ZNF565: variants seen among roughly 807,000 people sequenced by gnomAD.
ZNF565 encodes the protein zinc finger protein 565.
Under a neutral mutation model 39.4 loss-of-function variants are expected in ZNF565, and 27 were observed. The ratio of observed to expected loss-of-function variants is 0.69; its 90% CI spans 0.51 to 0.95. ZNF565 has a LOEUF of 0.95. Among genes scored for constraint, ZNF565 ranks in the 40% least tolerant of loss-of-function variants. The pLI, the probability that ZNF565 is intolerant of heterozygous loss-of-function variation, is 0.00. For synonymous variants in ZNF565, 185 were observed against 216.6 expected (o/e 0.85, Z 1.28); for missense variants, 524 against 621.1 (o/e 0.84, Z 1.66).
intron 4 of ZNF565, among the ~76,000 whole-genome samples, chr19:36,187,144 C>T (rs539067481): frequency 1.3e-5 from 2 of 151,346 alleles, no homozygotes; most frequent in Non-Finnish European, 1.5e-5. Flanking sequence ...GAGCCAATAT[C>T]GTGCTATTAC....
intron 2 of ZNF565, among the ~76,000 whole-genome samples, chr19:36,197,560 A>T (rs1975810849): frequency 6.6e-6 from 1 of 152,106 alleles, no homozygotes; most frequent in South Asian, 2.1e-4. Context: ...AGAAAGACAG[A>T]GACTGTTATT....
downstream of ZNF565, chr19:36,182,163 T>C (rs1975110309): frequency 1.1e-5 from 3 of 266,586 alleles, no homozygotes; most frequent in African/African-American, 4.5e-5. Flanking sequence ...CAGAATCTTT[T>C]AATCGGGTCA....
chr19:36,226,487 G>T (rs1977072682), intron 1 of ZNF565, among the ~76,000 whole-genome samples: 1 of 152,148 alleles, frequency 6.6e-6, no homozygotes, highest in African/African-American at 2.4e-5. Flanking sequence ...GTACAGAGAA[G>T]TCCCATGTAT....
intron 1 of ZNF565, chr19:36,213,210 T>A (rs945581726): frequency 6.6e-6 from 1 of 152,266 alleles, no homozygotes; most frequent in African/African-American, 2.4e-5. Context: ...TAACCACACA[T>A]CCACTCTTTT....
intron 1 of ZNF565, among the ~76,000 whole-genome samples, chr19:36,204,262 C>T (rs1976071987): frequency 6.6e-6 from 1 of 151,940 alleles, no homozygotes; most frequent in Non-Finnish European, 1.5e-5. Context: ...GGAAGACTAA[C>T]TTAATGAATG....
intron 1 of ZNF565, among the ~76,000 whole-genome samples, chr19:36,224,826 C>G (rs554801759): frequency 2.0e-5 from 3 of 152,042 alleles, no homozygotes; most frequent in Non-Finnish European, 2.9e-5. Flanking sequence ...TTTGGGTCCT[C>G]TAGGGTGTTT....
At chr19:36,182,173 A>T (rs1227234906), downstream of ZNF565, 5 of 294,720 alleles carry the variant, frequency 1.7e-5, no homozygotes, top group East Asian at 3.0e-4. Context: ...TAATCGGGTC[A>T]TTTTTGTATT....
intron 1 of ZNF565, chr19:36,236,153 A>G: frequency 2.9e-6 from 1 of 339,590 alleles, no homozygotes; most frequent in Non-Finnish European, 5.3e-6. Flanking sequence ...TAGCTAGATG[A>G]CAATCTCATT....
intron 1 of ZNF565, among the ~76,000 whole-genome samples, chr19:36,222,173 C>G (rs1344088170): frequency 6.6e-6 from 1 of 152,182 alleles, no homozygotes. Context: ...GTCCTCCTCT[C>G]TTGGCTTCCC....
intron 4 of ZNF565, among the ~76,000 whole-genome samples, chr19:36,190,174 A>T (rs978611525): frequency 2.0e-5 from 3 of 152,152 alleles, no homozygotes; most frequent in Admixed American, 6.6e-5. Flanking sequence ...TTTGCTAAAA[A>T]AAATACATAC....
intron 1 of ZNF565, among the ~76,000 whole-genome samples, chr19:36,207,702 G>A (rs1276969976): frequency 6.6e-5 from 10 of 152,182 alleles, no homozygotes; most frequent in Admixed American, 6.5e-4. Flanking sequence ...CCAGCCCCTT[G>A]CACTTAGGTA....
intron 1 of ZNF565, among the ~76,000 whole-genome samples, chr19:36,223,145 G>A (rs968603680): frequency 4.0e-5 from 6 of 151,576 alleles, no homozygotes; most frequent in South Asian, 2.1e-4. Flanking sequence ...GGCTGGGCGC[G>A]ATGGCTCACG....
At chr19:36,234,158 G>T (rs8101489) in intron 1 of ZNF565, among the ~76,000 whole-genome samples, 1 of 151,884 alleles carries the variant, frequency 6.6e-6, no homozygotes. Flanking sequence ...TCCATTTAAC[G>T]CTGAGTTGAC....
chr19:36,215,401 A>G (rs996758740), upstream of ZNF565, among the ~76,000 whole-genome samples: 1 of 151,780 alleles, frequency 6.6e-6, no homozygotes, highest in Non-Finnish European at 1.5e-5. Flanking sequence ...GGGATTGTTG[A>G]GTGAATGTGA....
chr19:36,237,700 A>G (rs907052646), intron 1 of ZNF565: 2 of 183,252 alleles, frequency 1.1e-5, no homozygotes, highest in South Asian at 3.1e-4. Flanking sequence ...GTCATCTACA[A>G]CTAATATTAA....
At chr19:36,216,629 G>T (rs1258152060), upstream of ZNF565, among the ~76,000 whole-genome samples, 1 of 151,874 alleles carries the variant, frequency 6.6e-6, no homozygotes. Flanking sequence ...CTGCACTCCA[G>T]CCTGGACAAG....
intron 3 of ZNF565, 155 bp downstream of exon 3, chr19:36,194,875 T>C: frequency 8.7e-7 from 1 of 1,146,018 alleles, no homozygotes; most frequent in Non-Finnish European, 1.3e-6. Flanking sequence ...CTACAGCTAT[T>C]GCTGGCCGGG....
intron 1 of ZNF565, among the ~76,000 whole-genome samples, chr19:36,240,698 G>A (rs1977783772): frequency 6.6e-6 from 1 of 151,852 alleles, no homozygotes; most frequent in Non-Finnish European, 1.5e-5. Context: ...GCAAAACCCC[G>A]TCTCTACTAA....
At chr19:36,194,446 G>T in intron 3 of ZNF565, 118 bp from the exon 4 acceptor site, 1 of 692,260 alleles carries the variant, frequency 1.4e-6, no homozygotes, top group Non-Finnish European at 2.3e-6. Context: ...CCAAAGGATA[G>T]GAAGACCGAG....
Sources: gnomAD v4.1 joint callset for allele counts (sites outside exome capture counted in the v4.1 genomes callset) on GRCh38, gnomAD v4.1.1 for gene constraint, MANE v1.5 for transcripts, NCBI Gene and HGNC (gene_info 2026-07-23, HGNC 2026-07-21) for gene names.